Variants in NOL4 observed in about 807,000 individuals in gnomAD.
The protein encoded by NOL4 is cancer/testis antigen 125.
A neutral mutation model predicts 75.9 loss-of-function variants in NOL4; 17 were observed. That is an observed-to-expected ratio of 0.22 (90% CI 0.15 to 0.34). The LOEUF (loss-of-function observed/expected upper bound fraction) is 0.34, where lower values mean the gene tolerates loss of function less well. NOL4 is among the 10% of genes least tolerant of loss of function. The pLI, the probability that NOL4 is intolerant of heterozygous loss-of-function variation, is 1.00. For synonymous variants in NOL4, 292 were observed against 289.9 expected, an observed-to-expected ratio of 1.01 and a Z score of -0.07; for missense variants, 614 against 793.5, an observed-to-expected ratio of 0.77 and a Z score of 2.72.
At chr18:34,198,689 GCTTCTTT>G (rs1300041525) in intron 1 of NOL4, among the ~76,000 whole-genome samples, 1 of 151,764 alleles carries the variant, frequency 6.6e-6, no homozygotes, top group Admixed American at 6.6e-5. Context: ...ATTTGACCAA[GCTTCTTT>G]ACTGTTAGAT....
At chr18:34,117,685 T>C (rs542898576) in intron 2 of NOL4, among the ~76,000 whole-genome samples, 11 of 152,308 alleles carry the variant, frequency 7.2e-5, no homozygotes, top group African/African-American at 2.4e-4. Context: ...GTGACAATGC[T>C]GTAATATTTT....
At chr18:33,975,650 C>T (rs572489860) in intron 6 of NOL4, among the ~76,000 whole-genome samples, 3 of 152,282 alleles carry the variant, frequency 2.0e-5, no homozygotes, top group Admixed American at 6.5e-5. Flanking sequence ...TGGCGGGTAC[C>T]TGTAATCCCA....
intron 1 of NOL4, among the ~76,000 whole-genome samples, chr18:34,213,451 A>G (rs1052666360): frequency 1.4e-4 from 21 of 151,868 alleles, no homozygotes; most frequent in Non-Finnish European, 2.8e-4. Context: ...CGCCACCCCC[A>G]GCTAATTTTT....
In NOL4 at chr18:34,068,754, T is replaced by C. The variant is rs1415076338; in HGVS notation, c.772+24711A>G. On this transcript the variant is annotated intron_variant, in intron 5 of 10. Transcript: ENST00000261592. ...AATTGTATTCCAAAAGCTTTTCCAA[T>C]TTAAACTAAATAGTGAATAACCATA... Among the ~76,000 whole-genome samples, 3 of 152,180 alleles carry C rather than the reference T, an allele frequency of 2.0e-5. No homozygotes were observed. The East Asian group carries it at 5.8e-4, about 29-fold the overall frequency.
At chr18:34,214,811 T>G (rs988960028) in intron 1 of NOL4, among the ~76,000 whole-genome samples, 3 of 152,196 alleles carry the variant, frequency 2.0e-5, no homozygotes, top group Non-Finnish European at 4.4e-5. Context: ...ATACCTACAA[T>G]GGAATATTAT....
At chr18:34,096,211 C>A (rs548839937) in intron 4 of NOL4, among the ~76,000 whole-genome samples, 3 of 151,934 alleles carry the variant, frequency 2.0e-5, no homozygotes, top group Admixed American at 6.5e-5. Flanking sequence ...ATTAAAAAAA[C>A]CATGTTAAAT....
chr18:34,198,892 T>C (rs1263906559), intron 1 of NOL4, among the ~76,000 whole-genome samples: 1 of 151,850 alleles, frequency 6.6e-6, no homozygotes, highest in East Asian at 1.9e-4. Context: ...AGTTCAGTTG[T>C]GATTTCTCTG....
chr18:34,024,214 T>C (rs867447835), intron 5 of NOL4, among the ~76,000 whole-genome samples: 2 of 130,782 alleles, frequency 1.5e-5, no homozygotes, highest in Admixed American at 1.5e-4. Flanking sequence ...TATATATATA[T>C]AAAATCCTCA....
At chr18:34,203,717 TCACA>T (rs60755450) in intron 1 of NOL4, among the ~76,000 whole-genome samples, 7,384 of 71,914 alleles carry the variant, frequency 0.1, 357 homozygotes, top group African/African-American at 0.15. Context: ...TCTCTCTCTC[TCACA>T]CACACACACA....
intron 9 of NOL4, among the ~76,000 whole-genome samples, chr18:33,941,583 T>C (rs2068479830): frequency 6.6e-6 from 1 of 151,924 alleles, no homozygotes; most frequent in Non-Finnish European, 1.5e-5. Context: ...ACTGAATTTA[T>C]TGATGCTTAC....
intron 9 of NOL4, among the ~76,000 whole-genome samples, chr18:33,937,565 G>A (rs1405564833): frequency 6.6e-6 from 1 of 152,040 alleles, no homozygotes; most frequent in Non-Finnish European, 1.5e-5. Flanking sequence ...TAAAAATTTT[G>A]AGTCAGGTTA....
At chr18:33,957,847 T>C (rs1420754039) in intron 7 of NOL4, among the ~76,000 whole-genome samples, 1 of 152,136 alleles carries the variant, frequency 6.6e-6, no homozygotes, top group African/African-American at 2.4e-5. Flanking sequence ...TGAATACGAC[T>C]GTTACATTGC....
At chr18:34,092,187 C>T (rs913099022) in intron 5 of NOL4, among the ~76,000 whole-genome samples, 1 of 151,262 alleles carries the variant, frequency 6.6e-6, no homozygotes, top group African/African-American at 2.4e-5. Context: ...TATACAATGG[C>T]CATTAAAAAA....
rs940520951 is a variant in NOL4 at position 33,863,524 on chromosome 18, G to A, written c.1724-10489C>T. Among the ~76,000 whole-genome samples the A allele has an allele frequency of 2.6e-5, 4 of 152,114 alleles. No homozygotes were observed. The East Asian group carries it at 7.7e-4, about 29-fold the overall frequency. ...ACTGGCCAAAACAACAAGGCTACAG[G>A]CCCCATACAAGTCTGAAACCCAGTT... On this transcript the variant is annotated intron_variant, in intron 10 of 10. Coordinates refer to ENST00000261592, the MANE Select transcript of NOL4 (RefSeq NM_003787.5).
At position 34,210,288 on chromosome 18, in the gene NOL4, G is replaced by A. The variant is rs1014841872; in HGVS notation, c.264+12702C>T. ...CAATTACTTTAAAGTAGAATGGGAA[G>A]TTAGTAATTACTTGTAAAGCAATCT... On this transcript the variant is annotated intron_variant, in intron 1 of 10. Coordinates refer to ENST00000261592, the MANE Select transcript of NOL4 (RefSeq NM_003787.5). Among the ~76,000 whole-genome samples the A allele has an allele frequency of 3.3e-5, 5 of 152,298 alleles. No individual in the cohort carries two copies. The East Asian group carries it at 9.6e-4, about 29-fold the overall frequency.
intron 6 of NOL4, among the ~76,000 whole-genome samples, chr18:33,994,220 T>C (rs1016531554): frequency 1.3e-4 from 20 of 151,578 alleles, no homozygotes; most frequent in Admixed American, 9.2e-4. Flanking sequence ...ATTTCAACAC[T>C]CCACTTCCTG....
At chr18:34,088,514 C>G (rs1029169073) in intron 5 of NOL4, among the ~76,000 whole-genome samples, 5 of 151,978 alleles carry the variant, frequency 3.3e-5, no homozygotes, top group Admixed American at 6.6e-5. Context: ...TTGAAGGATG[C>G]CTTTAGCTGT....
chr18:33,941,168 T>C (rs1340156817), intron 9 of NOL4, among the ~76,000 whole-genome samples: 1 of 151,990 alleles, frequency 6.6e-6, no homozygotes, highest in Non-Finnish European at 1.5e-5. Context: ...TCACAACAGC[T>C]CTATGAATCT....
At chr18:34,041,718 TG>T (rs1017505505) in intron 5 of NOL4, among the ~76,000 whole-genome samples, 13 of 152,064 alleles carry the variant, frequency 8.5e-5, no homozygotes, top group Non-Finnish European at 1.2e-4. Flanking sequence ...TTTTAGTAGT[TG>T]GGGTGACCGA....
Sources: gnomAD v4.1 joint callset for allele counts (sites outside exome capture counted in the v4.1 genomes callset) on GRCh38, gnomAD v4.1.1 for gene constraint, MANE v1.5 for transcripts, NCBI Gene and HGNC (gene_info 2026-07-23, HGNC 2026-07-21) for gene names.